SLC24A3: variants seen among roughly 807,000 people sequenced by gnomAD.
SLC24A3 encodes sodium/potassium/calcium exchanger 3.
Under a neutral mutation model 75.8 loss-of-function variants are expected in SLC24A3, and 28 were observed. That is an observed-to-expected ratio of 0.37 (90% CI 0.27 to 0.51). The LOEUF is 0.51. SLC24A3 is among the 20% of genes least tolerant of loss of function. SLC24A3 has a pLI of 0.94. For synonymous variants in SLC24A3, 372 were observed against 334.1 expected (o/e 1.11, Z -1.24); for missense variants, 663 against 847.8 (o/e 0.78, Z 2.71).
chr20:19,259,420 C>G (rs1278964082), intron 1 of SLC24A3, among the ~76,000 whole-genome samples: 1 of 152,190 alleles, frequency 6.6e-6, no homozygotes, highest in Non-Finnish European at 1.5e-5. Flanking sequence ...CACCATGTCA[C>G]TCTGCTGGTG....
intron 1 of SLC24A3, among the ~76,000 whole-genome samples, chr20:19,231,751 G>A (rs746206451): frequency 7.9e-5 from 12 of 152,308 alleles, no homozygotes; most frequent in Middle Eastern, 3.4e-3. Flanking sequence ...AATAGGAAAC[G>A]CACGCACCCA....
chr20:19,610,657 C>A (rs2031660364), intron 6 of SLC24A3, among the ~76,000 whole-genome samples: 1 of 152,206 alleles, frequency 6.6e-6, no homozygotes, highest in Non-Finnish European at 1.5e-5. Context: ...TAAAGGCAAC[C>A]AAAGGTGTGT....
At chr20:19,547,241 A>C (rs1447677657) in intron 3 of SLC24A3, among the ~76,000 whole-genome samples, 1 of 152,226 alleles carries the variant, frequency 6.6e-6, no homozygotes, top group Non-Finnish European at 1.5e-5. Flanking sequence ...CACACCATGA[A>C]TGTCCTATAA....
At chr20:19,486,963 A>G (rs972468968) in intron 2 of SLC24A3, among the ~76,000 whole-genome samples, 9 of 152,218 alleles carry the variant, frequency 5.9e-5, no homozygotes, top group African/African-American at 2.2e-4. Flanking sequence ...TCTGGAGGGC[A>G]GTTAGAGGTA....
chr20:19,379,440 T>C (rs984693726), intron 2 of SLC24A3, among the ~76,000 whole-genome samples: 2 of 100,458 alleles, frequency 2.0e-5, no homozygotes, highest in African/African-American at 9.3e-5. Context: ...GGGGTGCCAT[T>C]TTTTTTACTG....
At chr20:19,540,606 A>C (rs2030478975) in intron 3 of SLC24A3, among the ~76,000 whole-genome samples, 1 of 152,234 alleles carries the variant, frequency 6.6e-6, no homozygotes, top group African/African-American at 2.4e-5. Flanking sequence ...CACGGTGAGG[A>C]GTAAACATCA....
Position 19,585,019 on chromosome 20 carries a change from G to A in SLC24A3, c.472G>A (p.Gly158Arg), listed in dbSNP as rs2122637410. Residue 158 changes from glycine to arginine, a missense_variant, in exon 5 of 17, where the codon GGA (glycine) becomes AGA (arginine). Physicochemically the swap from Gly to Arg is moderately radical, Grantham distance 125. Around this residue, in one of 2 missense-constraint regions of SLC24A3, gnomAD observed 510 missense variants for 703.6 expected, o/e 0.72. Transcript: ENST00000328041. ...DVAGATFMAAGSSAPELFTSV... is the reference protein window; with the variant it reads ...DVAGATFMAARSSAPELFTSV... ...GGCTGGGGCCACATTCATGGCAGCG[G>A]GAAGTTCGGCCCCAGAGCTGTTCAC... 1 of 1,613,966 alleles carries A rather than the reference G, an allele frequency of 6.2e-7. No individual in the cohort carries two copies. The highest frequency in any genetic ancestry group is 8.5e-7 in the Non-Finnish European group (1 of 1,179,838).
At chr20:19,432,755 G>A (rs1987126544) in intron 2 of SLC24A3, among the ~76,000 whole-genome samples, 1 of 152,116 alleles carries the variant, frequency 6.6e-6, no homozygotes, top group Non-Finnish European at 1.5e-5. Flanking sequence ...TTAAGCACAG[G>A]TTTACAGAAG....
intron 3 of SLC24A3, among the ~76,000 whole-genome samples, chr20:19,536,514 G>A (rs367925437): frequency 6.6e-6 from 1 of 152,076 alleles, no homozygotes; most frequent in African/African-American, 2.4e-5. Context: ...TCACAGAATT[G>A]GGAAAAACTA....
intron 6 of SLC24A3, among the ~76,000 whole-genome samples, chr20:19,619,769 C>A (rs1233398513): frequency 1.3e-5 from 2 of 152,066 alleles, no homozygotes; most frequent in Non-Finnish European, 2.9e-5. Flanking sequence ...TTAAAAACTG[C>A]CAGAAGGAAC....
chr20:19,373,591 A>G (rs1986027572), intron 2 of SLC24A3, among the ~76,000 whole-genome samples: 1 of 152,192 alleles, frequency 6.6e-6, no homozygotes, highest in Admixed American at 6.5e-5. Flanking sequence ...AGATTTTGCC[A>G]CTATATATAT....
intron 3 of SLC24A3, among the ~76,000 whole-genome samples, chr20:19,546,900 C>T (rs867278378): frequency 7.2e-5 from 11 of 152,324 alleles, no homozygotes; most frequent in Non-Finnish European, 1.6e-4. Context: ...TGCATGCCCA[C>T]AGGGTGCTCC....
intron 1 of SLC24A3, among the ~76,000 whole-genome samples, chr20:19,237,008 T>C (rs1475798709): frequency 6.6e-6 from 1 of 152,242 alleles, no homozygotes; most frequent in East Asian, 1.9e-4. Flanking sequence ...CTTCCAAGCC[T>C]TGCAACGAAC....
chr20:19,328,972 T>C (rs1457503408), intron 2 of SLC24A3, among the ~76,000 whole-genome samples: 2 of 151,712 alleles, frequency 1.3e-5, no homozygotes, highest in Admixed American at 6.6e-5. Flanking sequence ...TCAGGAGAGG[T>C]GGCCTGAAAG....
intron 1 of SLC24A3, chr20:19,261,897 A>G (rs543291179): frequency 4.6e-5 from 7 of 152,220 alleles, no homozygotes; most frequent in African/African-American, 1.7e-4. Flanking sequence ...AAAACAATGC[A>G]AAATGCTTGA....
chr20:19,421,967 G>A (rs1476647310), intron 2 of SLC24A3, among the ~76,000 whole-genome samples: 5 of 152,094 alleles, frequency 3.3e-5, no homozygotes, highest in Admixed American at 1.3e-4. Context: ...TGTGGACACC[G>A]GGAACCTCCG....
At position 19,553,683 on chromosome 20, in the gene SLC24A3, A is replaced by G. The variant is rs554149120; in HGVS notation, c.349-26317A>G. 6.0e-4 allele frequency among the ~76,000 whole-genome samples: 91 copies of G among 152,330 alleles called. No individual in the cohort carries two copies. In the South Asian group the frequency reaches 0.018, roughly 31 times the overall value. On this transcript the variant is annotated intron_variant, in intron 3 of 16. Transcript: ENST00000328041. Reference sequence around the variant, plus strand: ...GTCCATGTCAGCTGGCTGATATGGCAACTGCAAGCCTTGTAAATGACATTA... The same window carrying G: ...GTCCATGTCAGCTGGCTGATATGGCGACTGCAAGCCTTGTAAATGACATTA...
intron 3 of SLC24A3, among the ~76,000 whole-genome samples, chr20:19,567,721 G>A (rs1330648016): frequency 6.6e-6 from 1 of 152,104 alleles, no homozygotes; most frequent in East Asian, 1.9e-4. Flanking sequence ...CCATCTCTTG[G>A]CAGCAGAAAA....
At chr20:19,513,973 T>C (rs1000123093) in intron 2 of SLC24A3, among the ~76,000 whole-genome samples, 8 of 152,188 alleles carry the variant, frequency 5.3e-5, no homozygotes, top group African/African-American at 1.9e-4. Context: ...TATAATGTAG[T>C]ATTTTTAACT....
Sources: allele counts gnomAD v4.1 joint callset (sites outside exome capture counted in the v4.1 genomes callset), GRCh38; gene constraint gnomAD v4.1.1; regional missense constraint gnomAD v4.1.1; transcripts MANE v1.5; gene names NCBI Gene and HGNC (gene_info 2026-07-23, HGNC 2026-07-21).